The following ADARB2 variants were observed in gnomAD, a reference collection of about 807,000 sequenced individuals.
The protein encoded by ADARB2 is adenosine deaminase RNA specific B2 (inactive), also known as inactive double-stranded RNA-specific editase B2.
ADARB2 carries 25 observed loss-of-function variants against 62.2 expected under a neutral mutation model. The ratio of observed to expected loss-of-function variants is 0.40; its 90% CI spans 0.29 to 0.56. The LOEUF is 0.56. Ranked by LOEUF, ADARB2 falls within the 20% of genes least tolerant of loss-of-function variation. The probability of loss-of-function intolerance (pLI) is 0.43; values close to 1 mark genes in which losing one functional copy is unlikely to be tolerated. For synonymous variants in ADARB2, 572 were observed against 500.8 expected (o/e 1.14, Z -1.90); for missense variants, 1,071 against 1,077.4 (o/e 0.99, Z 0.08).
chr10:1,723,142 T>C (rs1003867050), intron 1 of ADARB2, among the ~76,000 whole-genome samples: 1 of 152,240 alleles, frequency 6.6e-6, no homozygotes, highest in African/African-American at 2.4e-5. Flanking sequence ...GGCCCTTGTG[T>C]GTCATGGTCC....
At chr10:1,404,996 C>G (rs570847373) in intron 1 of ADARB2, among the ~76,000 whole-genome samples, 2 of 152,318 alleles carry the variant, frequency 1.3e-5, no homozygotes, top group Admixed American at 1.3e-4. Flanking sequence ...GTCGATGCCT[C>G]CTACATACAA....
intron 1 of ADARB2, among the ~76,000 whole-genome samples, chr10:1,469,023 A>G (rs1402016961): frequency 6.6e-6 from 1 of 152,108 alleles, no homozygotes; most frequent in Non-Finnish European, 1.5e-5. Flanking sequence ...TGTTCTTTCC[A>G]ACACAGCAAC....
chr10:1,599,468 C>T (rs977401791), intron 1 of ADARB2, among the ~76,000 whole-genome samples: 1 of 152,218 alleles, frequency 6.6e-6, no homozygotes, highest in Non-Finnish European at 1.5e-5. Flanking sequence ...CCACGACCAT[C>T]TCACATTATG....
chr10:1,363,607 C>G lies in ADARB2; in HGVS notation c.498G>C (p.Thr166=). Residue 166 remains threonine, a synonymous_variant, in exon 3 of 10, where the codon ACG becomes ACC. Transcript: ENST00000381312. ...TCTTGGTGGGGCCTGTGCCCTCGAA[C>G]GTGAGCCCGTTCACCTCCACCGCTA... ...FAVAVEVNGL[T]FEGTGPTKKK... 6 of 1,602,008 alleles carry G rather than the reference C, an allele frequency of 3.7e-6. No individual in the cohort carries two copies. Among genetic ancestry groups the G allele is most frequent in the Non-Finnish European group, 4.3e-6 (5 of 1,174,436 alleles).
At chr10:1,324,911 CCTGT>C (rs980176674) in intron 3 of ADARB2, among the ~76,000 whole-genome samples, 4 of 152,290 alleles carry the variant, frequency 2.6e-5, no homozygotes, top group East Asian at 1.9e-4. Flanking sequence ...ATTGTCAATG[CCTGT>C]CTGTCTGTGA....
At chr10:1,209,349 ATG>A (rs1837112163) in intron 7 of ADARB2, among the ~76,000 whole-genome samples, 1 of 135,546 alleles carries the variant, frequency 7.4e-6, no homozygotes, top group African/African-American at 2.8e-5. Context: ...ACCCATGCCC[ATG>A]CCTACACCGT....
chr10:1,386,776 A>C (rs1267258102), intron 1 of ADARB2, among the ~76,000 whole-genome samples: 1 of 151,944 alleles, frequency 6.6e-6, no homozygotes, highest in African/African-American at 2.4e-5. Flanking sequence ...TATAGAACAA[A>C]AAATTAGAAG....
chr10:1,554,392 G>A (rs1243110075), intron 1 of ADARB2, among the ~76,000 whole-genome samples: 2 of 152,176 alleles, frequency 1.3e-5, no homozygotes, highest in African/African-American at 4.8e-5. Flanking sequence ...GGCTGTCACA[G>A]AACCATCAAT....
chr10:1,592,839 C>G (rs71500152), intron 1 of ADARB2, among the ~76,000 whole-genome samples: 3 of 9,862 alleles, frequency 3.0e-4, no homozygotes, highest in Non-Finnish European at 5.9e-4. Flanking sequence ...CCCAAGCCAC[C>G]CTCCATAGGT....
chr10:1,189,115 C>G, intron 8 of ADARB2, among the ~76,000 whole-genome samples: 2 of 152,278 alleles, frequency 1.3e-5, no homozygotes, highest in South Asian at 4.1e-4. Flanking sequence ...CCTGGGATGT[C>G]TCCTGAGGAC....
intron 1 of ADARB2, among the ~76,000 whole-genome samples, chr10:1,551,922 C>T (rs536721035): frequency 1.3e-5 from 2 of 152,218 alleles, no homozygotes; most frequent in Non-Finnish European, 2.9e-5. Flanking sequence ...CTTTATACTG[C>T]AGACATGGAG....
At chr10:1,622,943 G>C (rs889155711) in intron 1 of ADARB2, among the ~76,000 whole-genome samples, 2 of 152,120 alleles carry the variant, frequency 1.3e-5, no homozygotes, top group Non-Finnish European at 2.9e-5. Flanking sequence ...CAACAGAGAG[G>C]GGGAGAAACA....
chr10:1,668,672 G>A (rs537538259), intron 1 of ADARB2, among the ~76,000 whole-genome samples: 51 of 152,294 alleles, frequency 3.3e-4, no homozygotes, highest in African/African-American at 9.4e-4. Context: ...AAGAGGCCCC[G>A]TGTGCACTGT....
At chr10:1,521,035 GT>G (rs1832067760) in intron 1 of ADARB2, among the ~76,000 whole-genome samples, 1 of 152,134 alleles carries the variant, frequency 6.6e-6, no homozygotes, top group Non-Finnish European at 1.5e-5. Context: ...TCTTCTTTGA[GT>G]TCAGGATCAC....
intron 1 of ADARB2, among the ~76,000 whole-genome samples, chr10:1,417,544 G>C (rs1832815482): frequency 6.6e-6 from 1 of 152,246 alleles, no homozygotes; most frequent in Non-Finnish European, 1.5e-5. Context: ...ACACAGTGGA[G>C]TAAGTGATAT....
At chr10:1,295,196 G>A (rs1248925062) in intron 3 of ADARB2, among the ~76,000 whole-genome samples, 1 of 152,204 alleles carries the variant, frequency 6.6e-6, no homozygotes, top group Non-Finnish European at 1.5e-5. Context: ...GTTTGTCGCT[G>A]TTGGTTGGCT....
Position 1,672,417 on chromosome 10 carries a change from A to G in ADARB2, c.100+64634T>C, listed in dbSNP as rs533479671. On this transcript the variant is annotated intron_variant, in intron 1 of 9. Transcript: ENST00000381312. ...ATTACCAACAATCTGCGGTTGAACT[A>G]CAGACATACACCCAAGCGGGCATAC... is the stretch of plus-strand genomic sequence containing the variant. Among the ~76,000 whole-genome samples the G allele has an allele frequency of 2.2e-3, 341 of 152,250 alleles. 4 individuals carry two copies. Among genetic ancestry groups the G allele is most frequent in the Non-Finnish European group, 2.6e-3 (176 of 67,998 alleles).
At chr10:1,463,379 T>C (rs974955767) in intron 1 of ADARB2, among the ~76,000 whole-genome samples, 2 of 152,122 alleles carry the variant, frequency 1.3e-5, no homozygotes, top group African/African-American at 4.8e-5. Context: ...GAAACCTCCG[T>C]GTGTCGTTGG....
At position 1,734,470 on chromosome 10, in the gene ADARB2, C is replaced by G. The variant is rs115718987; in HGVS notation, c.100+2581G>C. ...CCCCGGCATGCTTTATTTCAGAGCT[C>G]ACAGATCATTTTGATAAGAAGCATA... is the stretch of plus-strand genomic sequence containing the variant. On this transcript the variant is annotated intron_variant, in intron 1 of 9. Coordinates refer to ENST00000381312, the MANE Select transcript of ADARB2 (RefSeq NM_018702.4). Among the ~76,000 whole-genome samples, 570 of 152,226 alleles carry G rather than the reference C, an allele frequency of 3.7e-3. 4 individuals are homozygous for G. The highest frequency in any genetic ancestry group is 0.013 in the African/African-American group (548 of 41,524).
Sources: allele counts gnomAD v4.1 joint callset (sites outside exome capture counted in the v4.1 genomes callset), GRCh38; gene constraint gnomAD v4.1.1; transcripts MANE v1.5; gene names NCBI Gene and HGNC (gene_info 2026-07-23, HGNC 2026-07-21).